Variants in MARCHF1 observed in about 807,000 individuals in gnomAD.
The protein encoded by MARCHF1 is E3 ubiquitin-protein ligase MARCHF1.
Under a neutral mutation model 54.2 loss-of-function variants are expected in MARCHF1, and 40 were observed. The observed-to-expected ratio is 0.74, with a 90% CI of 0.57 to 0.96. MARCHF1 has a LOEUF of 0.96. MARCHF1 is among the 40% of genes least tolerant of loss of function. MARCHF1 has a pLI of 0.00. For missense variants in MARCHF1, 586 were observed against 656.5 expected, an observed-to-expected ratio of 0.89 and a Z score of 1.17; for synonymous variants, 236 against 236.3, an observed-to-expected ratio of 1.00 and a Z score of 0.01.
At chr4:163,856,869 G>C (rs1241623196) in intron 3 of MARCHF1, among the ~76,000 whole-genome samples, 2 of 151,894 alleles carry the variant, frequency 1.3e-5, no homozygotes, top group Non-Finnish European at 2.9e-5. Context: ...AAAATTAGCC[G>C]GGCGTGGTGG....
chr4:163,770,645 C>A (rs1561068284), intron 4 of MARCHF1, among the ~76,000 whole-genome samples: 1 of 151,320 alleles, frequency 6.6e-6, no homozygotes, highest in African/African-American at 2.4e-5. Context: ...AAAATCAGGT[C>A]TTTTTTTTAT....
chr4:164,182,051 C>G (rs983975065), intron 1 of MARCHF1, among the ~76,000 whole-genome samples: 1 of 152,008 alleles, frequency 6.6e-6, no homozygotes. Flanking sequence ...TTCTTTTTCT[C>G]TGAAATTCAT....
At chr4:163,895,194 T>A (rs1047888343) in intron 3 of MARCHF1, among the ~76,000 whole-genome samples, 5 of 152,208 alleles carry the variant, frequency 3.3e-5, no homozygotes, top group African/African-American at 1.2e-4. Context: ...ATGGCTAGAA[T>A]GTTGGCAACT....
chr4:164,059,282 T>G (rs956872026), intron 2 of MARCHF1, among the ~76,000 whole-genome samples: 8 of 152,204 alleles, frequency 5.3e-5, no homozygotes, highest in African/African-American at 1.9e-4. Flanking sequence ...CAAGACATAT[T>G]TCCAGGCATT....
intron 1 of MARCHF1, among the ~76,000 whole-genome samples, chr4:164,284,014 A>T (rs1734085475): frequency 1.3e-5 from 2 of 151,034 alleles, no homozygotes; most frequent in African/African-American, 4.9e-5. Flanking sequence ...AGACAACTGT[A>T]TTTAACAATC....
At chr4:163,803,332 C>T (rs1482627370) in intron 4 of MARCHF1, among the ~76,000 whole-genome samples, 1 of 152,088 alleles carries the variant, frequency 6.6e-6, no homozygotes, top group Non-Finnish European at 1.5e-5. Flanking sequence ...CGCCACCACG[C>T]CTGGCTAATT....
chr4:164,083,636 G>C (rs780498188), intron 2 of MARCHF1, among the ~76,000 whole-genome samples: 2 of 152,048 alleles, frequency 1.3e-5, no homozygotes, highest in Non-Finnish European at 1.5e-5. Flanking sequence ...TGTATTTCAC[G>C]GCATTCCCTC....
intron 2 of MARCHF1, among the ~76,000 whole-genome samples, chr4:164,051,177 T>A (rs1397757240): frequency 6.6e-6 from 1 of 152,186 alleles, no homozygotes; most frequent in Non-Finnish European, 1.5e-5. Context: ...TTTTATCTTA[T>A]ATATAATGAT....
intron 1 of MARCHF1, among the ~76,000 whole-genome samples, chr4:164,127,546 T>C (rs928295811): frequency 6.6e-6 from 1 of 151,974 alleles, no homozygotes; most frequent in African/African-American, 2.4e-5. Flanking sequence ...GCTGAAACAA[T>C]GCGGAACCAA....
At chr4:164,007,527 T>C (rs1307572613) in intron 2 of MARCHF1, among the ~76,000 whole-genome samples, 1 of 151,694 alleles carries the variant, frequency 6.6e-6, no homozygotes, top group East Asian at 1.9e-4. Context: ...AAAACAATAA[T>C]AGCTATAGCA....
chr4:163,553,208 TA>T (rs756182560), intron 8 of MARCHF1, among the ~76,000 whole-genome samples: 5 of 152,180 alleles, frequency 3.3e-5, no homozygotes, highest in Non-Finnish European at 7.3e-5. Flanking sequence ...AGCAACTTAA[TA>T]CATGTAAATG....
intron 2 of MARCHF1, among the ~76,000 whole-genome samples, chr4:164,086,812 T>C (rs1579521788): frequency 6.6e-6 from 1 of 152,084 alleles, no homozygotes. Context: ...ATTAATTTTA[T>C]ATAATTTTGA....
intron 3 of MARCHF1, among the ~76,000 whole-genome samples, chr4:163,855,641 A>T (rs1429918081): frequency 6.6e-6 from 1 of 152,182 alleles, no homozygotes; most frequent in African/African-American, 2.4e-5. Context: ...TCTACTTCTA[A>T]ATTATTTACC....
At chr4:164,119,364 T>C (rs566060531) in intron 1 of MARCHF1, among the ~76,000 whole-genome samples, 3 of 142,058 alleles carry the variant, frequency 2.1e-5, no homozygotes, top group Non-Finnish European at 4.7e-5. Flanking sequence ...TAAGCAATAA[T>C]CAAAAGAAAT....
chr4:163,612,354 A>G lies in MARCHF1; in HGVS notation c.927T>C (p.Asn309=). 6.5e-7 allele frequency: 1 copy of G among 1,535,382 alleles called. No homozygotes were observed. Among genetic ancestry groups the G allele is most frequent in the Non-Finnish European group, 8.7e-7 (1 of 1,146,438 alleles). ...LGVPEGSKDM[N]DAGLQVNNPV... ...GGTTATTCACCTGGAGCCCTGCATC[A>G]TTCATGTCCTTGCTGCCTTCTGGAA... Residue 309 remains asparagine, a synonymous_variant, in exon 7 of 10, where the codon AAT becomes AAC. Coordinates refer to ENST00000514618, the MANE Select transcript of MARCHF1 (RefSeq NM_001394959.1).
At chr4:163,835,681 C>T (rs1030721645) in intron 4 of MARCHF1, among the ~76,000 whole-genome samples, 3 of 152,158 alleles carry the variant, frequency 2.0e-5, no homozygotes, top group Non-Finnish European at 4.4e-5. Flanking sequence ...CTGCCCAATT[C>T]GCGAATCGTT....
At chr4:164,338,872 T>G (rs1482662664) in intron 1 of MARCHF1, among the ~76,000 whole-genome samples, 2 of 152,126 alleles carry the variant, frequency 1.3e-5, no homozygotes, top group African/African-American at 4.8e-5. Context: ...CTTGGGAGGC[T>G]GAGGCAGGAG....
At chr4:163,721,953 A>T (rs559281422) in intron 4 of MARCHF1, among the ~76,000 whole-genome samples, 53 of 151,850 alleles carry the variant, frequency 3.5e-4, no homozygotes, top group Non-Finnish European at 5.4e-4. Context: ...GTGGTCTATC[A>T]ATTTTGTTGA....
intron 5 of MARCHF1, among the ~76,000 whole-genome samples, chr4:163,672,978 T>C (rs925280485): frequency 1.3e-5 from 2 of 152,196 alleles, no homozygotes; most frequent in South Asian, 4.1e-4. Flanking sequence ...GCCCCTCCAC[T>C]GCCCTCCTTC....
Sources: allele counts gnomAD v4.1 joint callset (sites outside exome capture counted in the v4.1 genomes callset), GRCh38; gene constraint gnomAD v4.1.1; transcripts MANE v1.5; gene names NCBI Gene and HGNC (gene_info 2026-07-23, HGNC 2026-07-21).